Variants in TAF4 observed in about 807,000 individuals in gnomAD.
The protein encoded by TAF4 is TATA-box binding protein associated factor 4.
Under a neutral mutation model 90.3 loss-of-function variants are expected in TAF4, and 9 were observed. The observed-to-expected ratio is 0.10, with a 90% CI of 0.06 to 0.17. TAF4 has a LOEUF of 0.17. Among genes scored for constraint, TAF4 ranks in the 10% least tolerant of loss-of-function variants. The pLI is 1.00. For synonymous variants in TAF4, 818 were observed against 638.9 expected (o/e 1.28, Z -4.23); for missense variants, 1,351 against 1,370.7 (o/e 0.99, Z 0.23).
chr20:61,999,176 C>A, intron 11 of TAF4, 68 bp from the exon 12 acceptor site: 3 of 1,572,776 alleles, frequency 1.9e-6, no homozygotes, highest in Non-Finnish European at 2.6e-6. Context: ...GGTTGTCTAG[C>A]ACCACTGGAC....
intron 1 of TAF4, among the ~76,000 whole-genome samples, chr20:62,048,021 C>G (rs1191008471): frequency 6.6e-6 from 1 of 152,204 alleles, no homozygotes; most frequent in Admixed American, 6.5e-5. Flanking sequence ...GGACCACCCC[C>G]TCATCAAGAT....
At chr20:62,044,588 T>G (rs1245723923) in intron 1 of TAF4, among the ~76,000 whole-genome samples, 1 of 152,194 alleles carries the variant, frequency 6.6e-6, no homozygotes, top group Non-Finnish European at 1.5e-5. Context: ...CAAAGAAACC[T>G]TAAACTTTAC....
At chr20:61,983,163 G>A (rs2123098044) in intron 14 of TAF4, among the ~76,000 whole-genome samples, 1 of 152,244 alleles carries the variant, frequency 6.6e-6, no homozygotes, top group South Asian at 2.1e-4. Context: ...GCCAACAGTG[G>A]AGCTGCCAGG....
chr20:62,002,346 G>T (rs376299991), intron 9 of TAF4, among the ~76,000 whole-genome samples: 1 of 152,132 alleles, frequency 6.6e-6, no homozygotes, highest in South Asian at 2.1e-4. Flanking sequence ...TTCACAGTAA[G>T]ACTTCCTGAA....
intron 1 of TAF4, among the ~76,000 whole-genome samples, chr20:62,028,823 C>T (rs2055888047): frequency 6.6e-6 from 1 of 152,210 alleles, no homozygotes; most frequent in African/African-American, 2.4e-5. Context: ...TCCAATGATA[C>T]TCAACAAAGG....
Position 62,064,984 on chromosome 20 carries a change from G to T in TAF4, c.827C>A (p.Ala276Glu). 3.9e-6 allele frequency: 1 copy of T among 257,188 alleles called. No homozygotes were observed. The highest frequency in any genetic ancestry group is 5.7e-6 in the Non-Finnish European group (1 of 175,322). 15.9% of individuals were successfully genotyped at this position (257,188 alleles called of 1,614,324 possible). A position where few individuals can be genotyped will look rare whatever the true frequency, so the allele number is the denominator to read the frequency against. The stretch of plus-strand genomic sequence containing the variant: ...GGGCGGCCGGGCCAGAGTGGCGGGC[G>T]CGGGGGGTGGCGGGGGCGGGGCGGC... Reference protein sequence around the residue: ...PAAAPPPPPPAPATLARPPGH... With the variant: ...PAAAPPPPPPEPATLARPPGH... Residue 276 changes from alanine (A) to glutamate (E), a missense_variant, in exon 1 of 15, where the codon GCG becomes GAG. Coordinates refer to ENST00000252996, the MANE Select transcript of TAF4 (RefSeq NM_003185.4).
At chr20:61,981,991 G>A (rs2055545410) in intron 14 of TAF4, among the ~76,000 whole-genome samples, 1 of 141,654 alleles carries the variant, frequency 7.1e-6, no homozygotes, top group South Asian at 2.4e-4. Context: ...CACCCGAGAG[G>A]AGACACCAAA....
rs547617796 is a variant in TAF4, at chr20:62,003,638, G to A, written c.2371+93C>T. Reference sequence around the variant, plus strand: ...TTAAAATGGCCAATTTTATGTAAATGTACATTTTACCCAATTAAATAAAAG... The same window carrying A: ...TTAAAATGGCCAATTTTATGTAAATATACATTTTACCCAATTAAATAAAAG... On this transcript the variant is annotated intron_variant, in intron 8 of 14. Transcript: ENST00000252996. 2.8e-5 allele frequency: 40 copies of A among 1,408,508 alleles called. No homozygotes were observed. The South Asian group carries it at 5.1e-4, about 18-fold the overall frequency. 87.3% of individuals were successfully genotyped at this position (1,408,508 alleles called of 1,614,324 possible). A position where few individuals can be genotyped will look rare whatever the true frequency, so the allele number is the denominator to read the frequency against.
At chr20:62,032,120 G>A (rs1350072392) in intron 1 of TAF4, among the ~76,000 whole-genome samples, 2 of 152,216 alleles carry the variant, frequency 1.3e-5, no homozygotes, top group Admixed American at 6.5e-5. Flanking sequence ...ATTTGGATAC[G>A]TTTGATCTGC....
In TAF4 at chr20:61,975,186, T is replaced by C. The variant is rs1338460106; in HGVS notation, c.*982A>G. On this transcript the variant is annotated 3_prime_UTR_variant, in exon 15 of 15. Transcript: ENST00000252996. ...AAAAAAATAGGTACAAAGAAGGGGC[T>C]TTGCTCTGGACGTCTGTAAAGTCGG... 1.3e-5 allele frequency: 2 copies of C among 152,286 alleles called. No homozygotes were observed. The highest frequency in any genetic ancestry group is 1.3e-4 in the Admixed American group (2 of 15,268). 9.4% of individuals were successfully genotyped at this position (152,286 alleles called of 1,614,324 possible).
In TAF4 at chr20:62,006,367, T is replaced by A. The variant is rs28382082; in HGVS notation, c.2223+143A>T. The A allele has an allele frequency of 1.3e-3, 1,426 of 1,122,294 alleles. 19 individuals are homozygous for A. The African/African-American group carries it at 0.022, about 17-fold the overall frequency. 69.5% of individuals were successfully genotyped at this position (1,122,294 alleles called of 1,614,324 possible). On this transcript the variant is annotated intron_variant, in intron 7 of 14. Transcript: ENST00000252996. This position sits in a 1 kb window ranked among gnomAD's most constrained non-coding sequence, Gnocchi z 7.0. ...ACCTCTGGTTTCTATTTTAACTATT[T>A]AAGGTAATACCCAAGCTTCCTCTAG...
chr20:62,019,058 T>C (rs757631282), intron 1 of TAF4, among the ~76,000 whole-genome samples: 38 of 148,860 alleles, frequency 2.6e-4, no homozygotes, highest in Admixed American at 1.4e-4. Context: ...CACCAGCCAA[T>C]GTGCACATAC....
At chr20:62,004,932 A>T (rs2055734616) in intron 7 of TAF4, 1 of 152,292 alleles carries the variant, frequency 6.6e-6, no homozygotes, top group African/African-American at 2.4e-5. Context: ...ATCCTTGTCA[A>T]AAGCCAATGC....
intron 1 of TAF4, among the ~76,000 whole-genome samples, chr20:62,043,734 A>G (rs2055976908): frequency 6.6e-6 from 1 of 152,234 alleles, no homozygotes; most frequent in Non-Finnish European, 1.5e-5. Flanking sequence ...ACAGCCCAGG[A>G]GCCAGGGGCC....
intron 1 of TAF4, among the ~76,000 whole-genome samples, chr20:62,036,464 A>G (rs1712724100): frequency 6.6e-6 from 1 of 152,244 alleles, no homozygotes; most frequent in South Asian, 2.1e-4. Context: ...AGGCAAGTGA[A>G]CTGTTGCAAC....
At chr20:62,053,471 T>C (rs1234561702) in intron 1 of TAF4, among the ~76,000 whole-genome samples, 2 of 152,150 alleles carry the variant, frequency 1.3e-5, no homozygotes, top group African/African-American at 4.8e-5. Context: ...GGCACCCACA[T>C]CTGAACAGAG....
At chr20:61,981,579 T>C (rs1420441862) in intron 14 of TAF4, 1 of 151,738 alleles carries the variant, frequency 6.6e-6, no homozygotes, top group Non-Finnish European at 1.5e-5. Flanking sequence ...GCGGTGAAAA[T>C]GCAGTAAGGA....
At chr20:62,056,474 C>T (rs901894972) in intron 1 of TAF4, among the ~76,000 whole-genome samples, 1 of 152,096 alleles carries the variant, frequency 6.6e-6, no homozygotes, top group Non-Finnish European at 1.5e-5. Context: ...ATGCTCAACC[C>T]ACCAGACACA....
chr20:62,033,557 C>T (rs1214375870), intron 1 of TAF4, among the ~76,000 whole-genome samples: 2 of 151,972 alleles, frequency 1.3e-5, no homozygotes, highest in African/African-American at 2.4e-5. Context: ...GCTAACATGG[C>T]GAAACCCCGT....
Sources: gnomAD v4.1 joint callset for allele counts (sites outside exome capture counted in the v4.1 genomes callset) on GRCh38, gnomAD v4.1.1 for gene constraint, Gnocchi (gnomAD v3.1) non-coding constraint, MANE v1.5 for transcripts, NCBI Gene and HGNC (gene_info 2026-07-23, HGNC 2026-07-21) for gene names.